Variants in PLEKHA1 observed in about 807,000 individuals in gnomAD.
PLEKHA1 encodes the protein pleckstrin homology domain containing A1.
Under a neutral mutation model 52.0 loss-of-function variants are expected in PLEKHA1, and 34 were observed. The observed-to-expected ratio is 0.65, with a 90% CI of 0.50 to 0.87. The LOEUF (loss-of-function observed/expected upper bound fraction) is 0.87, where lower values mean the gene tolerates loss of function less well. PLEKHA1 is among the 40% of genes least tolerant of loss of function. The pLI, the probability that PLEKHA1 is intolerant of heterozygous loss-of-function variation, is 0.00. For missense variants in PLEKHA1, 497 were observed against 504.2 expected (o/e 0.99, Z 0.14); for synonymous variants, 163 against 170.7 (o/e 0.95, Z 0.35).
intron 5 of PLEKHA1, 64 bp from the exon 6 acceptor site, chr10:122,412,856 C>G: frequency 5.2e-6 from 8 of 1,553,042 alleles, no homozygotes; most frequent in Non-Finnish European, 7.0e-6. Context: ...AGAAATTCTG[C>G]GAGAAAACAG....
chr10:122,437,605 GC>G, the PLEKHA1 span: 2 of 152,372 alleles, frequency 1.3e-5, no homozygotes, highest in African/African-American at 4.8e-5. Flanking sequence ...GAGCCCTGGG[GC>G]GCTCCAATAT....
Position 122,393,113 on chromosome 10 carries a change from AT to A in PLEKHA1, c.-20-65del. 1.7e-5 allele frequency: 22 copies of A among 1,331,138 alleles called. No homozygotes were observed. The highest frequency in any genetic ancestry group is 2.2e-5 in the Non-Finnish European group (22 of 987,726). The allele number at this position is 1,331,138 out of a possible 1,614,324, so 82.5% of individuals were successfully genotyped here. A position where few individuals can be genotyped will look rare whatever the true frequency, so the allele number is the denominator to read the frequency against. ...GGCAAGTTGCCCCCTCATTGAACAGATTTGCAGTCCATGAGAAATACTTTCC... is the reference window on the plus strand; with the variant it reads ...GGCAAGTTGCCCCCTCATTGAACAGATTGCAGTCCATGAGAAATACTTTCC... On this transcript the variant is annotated intron_variant, in intron 1 of 11. Transcript: ENST00000368990. This position sits in a 1 kb window ranked among gnomAD's most constrained non-coding sequence, Gnocchi z 4.5.
chr10:122,394,468 A>G (rs986827841), intron 2 of PLEKHA1, among the ~76,000 whole-genome samples: 1 of 152,088 alleles, frequency 6.6e-6, no homozygotes, highest in African/African-American at 2.4e-5. Context: ...CAAGGGATGA[A>G]TCTCTAGCAG....
chr10:122,390,075 A>G (rs1388939417), intron 1 of PLEKHA1, among the ~76,000 whole-genome samples: 2 of 152,230 alleles, frequency 1.3e-5, no homozygotes, highest in Non-Finnish European at 2.9e-5. Flanking sequence ...CTATATCAGC[A>G]CTTGCTGCTT....
intron 1 of PLEKHA1, among the ~76,000 whole-genome samples, chr10:122,378,755 A>AC (rs1360168408): frequency 6.7e-6 from 1 of 148,906 alleles, no homozygotes; most frequent in Admixed American, 6.7e-5. Flanking sequence ...AAAAAAAAAA[A>AC]CAGAAAAACA....
intron 5 of PLEKHA1, chr10:122,412,408 C>T (rs2097119450): frequency 6.6e-6 from 1 of 152,386 alleles, no homozygotes; most frequent in Non-Finnish European, 1.5e-5. Context: ...TGTCTTGAAG[C>T]CAGGAAAGAC....
downstream of PLEKHA1, chr10:122,435,967 C>G: frequency 6.6e-6 from 1 of 151,850 alleles, no homozygotes; most frequent in East Asian, 1.9e-4. Flanking sequence ...AAAACTAATA[C>G]AATATTATAA....
At chr10:122,413,948 G>T (rs1034879619) in intron 6 of PLEKHA1, among the ~76,000 whole-genome samples, 2 of 152,012 alleles carry the variant, frequency 1.3e-5, no homozygotes, top group Non-Finnish European at 2.9e-5. Flanking sequence ...CTACGGGAGG[G>T]TGATTAGTGG....
chr10:122,441,066 C>T, the PLEKHA1 span: 1 of 152,114 alleles, frequency 6.6e-6, no homozygotes, highest in African/African-American at 2.4e-5. Context: ...TGAGAACTTG[C>T]TAGAAGTGCA....
chr10:122,426,652 G>A (rs1036128700), intron 10 of PLEKHA1, among the ~76,000 whole-genome samples: 1 of 152,054 alleles, frequency 6.6e-6, no homozygotes, highest in African/African-American at 2.4e-5. Context: ...AAATAAGAAG[G>A]GTTTTTCTTG....
chr10:122,429,432 A>G (rs922356858), intron 11 of PLEKHA1, among the ~76,000 whole-genome samples, 192 bp from the exon 12 acceptor site: 1 of 152,016 alleles, frequency 6.6e-6, no homozygotes, highest in Non-Finnish European at 1.5e-5. Context: ...ACTCACCTCT[A>G]AAAACGCGTT....
chr10:122,384,575 C>T (rs1337412296), intron 1 of PLEKHA1, among the ~76,000 whole-genome samples: 2 of 146,874 alleles, frequency 1.4e-5, no homozygotes, highest in Non-Finnish European at 3.0e-5. Flanking sequence ...TGCCACTGCA[C>T]TCCAGCCTGG....
intron 7 of PLEKHA1, 36 bp from the exon 8 acceptor site, chr10:122,417,864 A>T: frequency 6.6e-7 from 1 of 1,512,322 alleles, no homozygotes. Flanking sequence ...ACATTCTTAG[A>T]AACACAAGTC....
intron 10 of PLEKHA1, chr10:122,425,222 G>A (rs968086425): frequency 3.5e-6 from 1 of 287,244 alleles, no homozygotes; most frequent in Admixed American, 5.1e-5. Context: ...TGTTAAGTGT[G>A]TACTTTCAAG....
intron 1 of PLEKHA1, among the ~76,000 whole-genome samples, chr10:122,379,615 C>T (rs1309170955): frequency 1.3e-5 from 2 of 152,230 alleles, no homozygotes; most frequent in African/African-American, 4.8e-5. Context: ...TCCCTCTCTT[C>T]TGTCAACTGC....
At chr10:122,417,147 GTACAAAA>G (rs1419357349) in intron 7 of PLEKHA1, 1 of 152,174 alleles carries the variant, frequency 6.6e-6, no homozygotes, top group African/African-American at 2.4e-5. Flanking sequence ...AAAAATATTT[GTACAAAA>G]TAGGTTTACT....
At chr10:122,384,722 G>A (rs1191301788) in intron 1 of PLEKHA1, among the ~76,000 whole-genome samples, 1 of 152,116 alleles carries the variant, frequency 6.6e-6, no homozygotes, top group Non-Finnish European at 1.5e-5. Flanking sequence ...GGAGGCCAAT[G>A]CAGGTGGATC....
At chr10:122,406,383 A>G (rs1348871902) in intron 4 of PLEKHA1, among the ~76,000 whole-genome samples, 193 bp from the exon 5 acceptor site, 1 of 152,244 alleles carries the variant, frequency 6.6e-6, no homozygotes, top group Non-Finnish European at 1.5e-5. Flanking sequence ...TTAATAAACA[A>G]AATGGCCATA....
At chr10:122,408,285 T>TG (rs897013303) in intron 5 of PLEKHA1, among the ~76,000 whole-genome samples, 7 of 152,192 alleles carry the variant, frequency 4.6e-5, no homozygotes, top group African/African-American at 2.4e-5. Flanking sequence ...TTTACCATTT[T>TG]GGGGGGTCTT....
Sources: allele counts gnomAD v4.1 joint callset (sites outside exome capture counted in the v4.1 genomes callset), GRCh38; gene constraint gnomAD v4.1.1; non-coding constraint Gnocchi (gnomAD v3.1); transcripts MANE v1.5; gene names NCBI Gene and HGNC (gene_info 2026-07-23, HGNC 2026-07-21).